CHIT1: variants seen among roughly 807,000 people sequenced by gnomAD.
The protein encoded by CHIT1 is chitotriosidase-1.
In CHIT1, 47 loss-of-function variants were observed where a neutral mutation model predicts 52.0. The ratio of observed to expected loss-of-function variants is 0.90; its 90% CI spans 0.71 to 1.15. The LOEUF (loss-of-function observed/expected upper bound fraction) is 1.15. CHIT1 is among the 50% of genes most tolerant of loss of function. CHIT1 has a pLI of 0.00. For missense variants in CHIT1, 569 were observed against 583.0 expected, an observed-to-expected ratio of 0.98 and a Z score of 0.25; for synonymous variants, 242 against 228.2, an observed-to-expected ratio of 1.06 and a Z score of -0.54.
chr1:203,220,522 C>T (rs955625911), intron 7 of CHIT1, among the ~76,000 whole-genome samples: 20 of 152,160 alleles, frequency 1.3e-4, no homozygotes, highest in African/African-American at 4.6e-4. Context: ...CTTGGTGTAA[C>T]ACCCCCAGGC....
chr1:203,223,313 C>G (rs1656807719), intron 5 of CHIT1, 54 bp from the exon 6 acceptor site: 1 of 1,604,826 alleles, frequency 6.2e-7, no homozygotes, highest in East Asian at 2.3e-5. Context: ...GCAGGCAGCC[C>G]CTGTGAGCCC....
chr1:203,228,948 G>A (rs1657035698), intron 1 of CHIT1, among the ~76,000 whole-genome samples: 1 of 152,206 alleles, frequency 6.6e-6, no homozygotes, highest in African/African-American at 2.4e-5. Flanking sequence ...GAATCAATCT[G>A]GAAGGGCTGC....
At chr1:203,223,884 A>G (rs1233838873) in intron 4 of CHIT1, among the ~76,000 whole-genome samples, 1 of 152,142 alleles carries the variant, frequency 6.6e-6, no homozygotes, top group Non-Finnish European at 1.5e-5. Context: ...CCGAACATCG[A>G]CATCACCAGG....
At chr1:203,218,503 C>A (rs927537402) in intron 9 of CHIT1, among the ~76,000 whole-genome samples, 1 of 152,160 alleles carries the variant, frequency 6.6e-6, no homozygotes, top group African/African-American at 2.4e-5. Context: ...GGGGGTCCAG[C>A]TATGTGGGCC....
At position 203,225,745 on chromosome 1, in the gene CHIT1, T is replaced by G; in HGVS notation, c.181A>C (p.Met61Leu). Residue 61 changes from methionine to leucine, a missense_variant, in exon 3 of 11, where the codon ATG (methionine) becomes CTG (leucine). Met to Leu is a conservative substitution (Grantham distance 15). Transcript: ENST00000367229. ...GTGGTGCTCAGCTGGTGGTTGGTCATGCCAGCGAAGGCGTAGATGAGGTGG... is the reference window on the plus strand; with the variant it reads ...GTGGTGCTCAGCTGGTGGTTGGTCAGGCCAGCGAAGGCGTAGATGAGGTGG... ...CTHLIYAFAG[M>L]TNHQLSTTEW... is the part of the protein sequence containing the mutation. 1 of 1,614,176 alleles carries G rather than the reference T, an allele frequency of 6.2e-7. No homozygotes were observed. Among genetic ancestry groups the G allele is most frequent in the Non-Finnish European group, 8.5e-7 (1 of 1,180,022 alleles).
intron 6 of CHIT1, 26 bp downstream of exon 6, chr1:203,223,109 C>A: frequency 6.2e-7 from 1 of 1,613,800 alleles, no homozygotes; most frequent in Non-Finnish European, 8.5e-7. Context: ...GAGAGCACAG[C>A]TCCAAGCCAT....
rs374115648 is a variant in CHIT1 at position 203,225,748 on chromosome 1, C to T, written c.178G>A (p.Gly60Ser). The T allele has an allele frequency of 3.7e-6, 6 of 1,614,078 alleles. No individual in the cohort carries two copies. Among genetic ancestry groups the T allele is most frequent in the East Asian group, 4.5e-5 (2 of 44,896 alleles). ...GTGCTCAGCTGGTGGTTGGTCATGC[C>T]AGCGAAGGCGTAGATGAGGTGGGTG... ...LCTHLIYAFA[G>S]MTNHQLSTTE... Residue 60 changes from glycine (G) to serine (S), a missense_variant, in exon 3 of 11, where the codon GGC (glycine) becomes AGC (serine). Transcript: ENST00000367229.
In CHIT1 at chr1:203,228,541, A is replaced by G. The variant is rs1657009374; in HGVS notation, c.47T>C (p.Ile16Thr). ...AWAGFMVLLM[I>T]PWGSAAKLVC... ...AGAAAGAGGCTACTTACCCCATGGG[A>G]TCATCAGCAGGACCATGAAACCTGG... The change falls in exon 2 of 11, where the codon ATC becomes ACC. Residue 16 changes from isoleucine (I) to threonine (T), a missense_variant. Ile to Thr is a moderately conservative substitution (Grantham distance 89). Coordinates refer to ENST00000367229, the MANE Select transcript of CHIT1 (RefSeq NM_003465.3). 1.3e-6 allele frequency: 2 copies of G among 1,590,290 alleles called. No individual in the cohort carries two copies. Among genetic ancestry groups the G allele is most frequent in the Non-Finnish European group, 1.7e-6 (2 of 1,166,506 alleles).
chr1:203,223,810 G>C, intron 4 of CHIT1, 150 bp from the exon 5 acceptor site: 1 of 829,648 alleles, frequency 1.2e-6, no homozygotes, highest in Non-Finnish European at 2.0e-6. Flanking sequence ...AGGCTGCAGG[G>C]ATATTTGCTG....
rs774169158 is a variant in CHIT1, at chr1:203,219,774, G to A, written c.805C>T (p.Arg269Cys). Residue 269 changes from arginine to cysteine, a missense_variant, in exon 8 of 11, where the codon CGC (arginine) becomes TGC (cysteine). Transcript: ENST00000367229. ...KLILGMPTYGRSFTLASSSDT... is the reference protein window; with the variant it reads ...KLILGMPTYGCSFTLASSSDT... The stretch of plus-strand genomic sequence containing the variant: ...GATGAGGAGGCCAGTGTGAAGGAGC[G>A]TCCGTAGGTAGGCATGCCAAGGATC... 34 of 1,613,364 alleles carry A rather than the reference G, an allele frequency of 2.1e-5. No individual in the cohort carries two copies. Among genetic ancestry groups the A allele is most frequent in the East Asian group, 8.9e-5 (4 of 44,890 alleles).
Position 203,223,152 on chromosome 1 carries a change from C to T in CHIT1, c.588G>A (p.Glu196=), listed in dbSNP as rs1656798780. The change falls in exon 6 of 11, where the codon GAG becomes GAA. Residue 196 remains glutamate (E), a synonymous_variant. Coordinates refer to ENST00000367229, the MANE Select transcript of CHIT1 (RefSeq NM_003465.3). ...AGACTCACTGGGCGATTTTGTCCACCTCGTATCCAGCATCCACATAGGTCT... is the reference window on the plus strand; with the variant it reads ...AGACTCACTGGGCGATTTTGTCCACTTCGTATCCAGCATCCACATAGGTCT... ...AGQTYVDAGY[E]VDKIAQNLDF... 1 of 1,614,166 alleles carries T rather than the reference C, an allele frequency of 6.2e-7. No individual in the cohort carries two copies. The highest frequency in any genetic ancestry group is 8.5e-7 in the Non-Finnish European group (1 of 1,180,042).
At chr1:203,217,223 A>G in intron 10 of CHIT1, 90 bp from the exon 11 acceptor site, 2 of 1,593,778 alleles carry the variant, frequency 1.3e-6, no homozygotes, top group Non-Finnish European at 1.7e-6. Context: ...ATTGGCTGGC[A>G]GCAGCCCAGC....
In CHIT1 at chr1:203,223,224, G is replaced by C. The variant is rs745884865; in HGVS notation, c.516C>G (p.Thr172=). The C allele has an allele frequency of 2.5e-6, 4 of 1,614,194 alleles. No homozygotes were observed. Among genetic ancestry groups the C allele is most frequent in the Non-Finnish European group, 3.4e-6 (4 of 1,180,028 alleles). Residue 172 remains threonine, a synonymous_variant, in exon 6 of 11, where the codon ACC becomes ACG. Coordinates refer to ENST00000367229, the MANE Select transcript of CHIT1 (RefSeq NM_003465.3). ...LANAFQQEAQ[T]SGKERLLLSA... ...TCAGAAGAAGGCGTTCCTTCCCTGA[G>C]GTCTGGGCTTCCTGCTGGAAGGCAT...
chr1:203,220,782 G>A (rs1211227659), intron 7 of CHIT1, among the ~76,000 whole-genome samples: 2 of 152,136 alleles, frequency 1.3e-5, no homozygotes, highest in African/African-American at 2.4e-5. Flanking sequence ...GCAGAAGTCG[G>A]GGCTTCTCCT....
At chr1:203,217,610 G>T in intron 10 of CHIT1, 129 bp downstream of exon 10, 1 of 1,453,060 alleles carries the variant, frequency 6.9e-7, no homozygotes, top group Non-Finnish European at 9.5e-7. Flanking sequence ...CATGAAGCTT[G>T]GGAAATTACA....
intron 6 of CHIT1, 149 bp downstream of exon 6, chr1:203,222,986 G>A: frequency 9.4e-7 from 1 of 1,061,520 alleles, no homozygotes; most frequent in Non-Finnish European, 1.4e-6. Flanking sequence ...ACAAAAGCAG[G>A]GAATTTTCTG....
chr1:203,220,624 C>T lies in CHIT1; in HGVS notation c.730-775G>A, dbSNP rs186743608. 3.2e-3 allele frequency among the ~76,000 whole-genome samples: 487 copies of T among 152,344 alleles called. 1 individual carries two copies. Among genetic ancestry groups the T allele is most frequent in the African/African-American group, 0.011 (470 of 41,566 alleles). On this transcript the variant is annotated intron_variant, in intron 7 of 10. Transcript: ENST00000367229. The stretch of plus-strand genomic sequence containing the variant: ...AGCCAAGAGTATGGTTCACTTTCCC[C>T]CAGAAGCTGCCCTAGTTTTGTCAGG...
rs972069635 is a variant in CHIT1 at position 203,216,576 on chromosome 1, G to T, written c.*313C>A. On this transcript the variant is annotated 3_prime_UTR_variant, in exon 11 of 11. Coordinates refer to ENST00000367229, the MANE Select transcript of CHIT1 (RefSeq NM_003465.3). ...CCTGCCACAGGGCCTGGCACATCCT[G>T]CACGGACCACCTTCCCACCTGGCTC... The T allele has an allele frequency of 1.6e-5, 8 of 485,554 alleles. No homozygotes were observed. The highest frequency in any genetic ancestry group is 3.2e-5 in the Non-Finnish European group (8 of 247,976). 30.1% of individuals were successfully genotyped at this position (485,554 alleles called of 1,614,324 possible). A position where few individuals can be genotyped will look rare whatever the true frequency, so the allele number is the denominator to read the frequency against.
chr1:203,226,163 C>T (rs573665070), intron 2 of CHIT1, among the ~76,000 whole-genome samples: 9 of 152,344 alleles, frequency 5.9e-5, no homozygotes, highest in Non-Finnish European at 7.4e-5. Context: ...GCTTGGGGCC[C>T]GTCCCCATCA....
Sources: gnomAD v4.1 joint callset for allele counts (sites outside exome capture counted in the v4.1 genomes callset) on GRCh38, gnomAD v4.1.1 for gene constraint, MANE v1.5 for transcripts, NCBI Gene and HGNC (gene_info 2026-07-23, HGNC 2026-07-21) for gene names.